The following FAM124A variants were observed in gnomAD, a reference collection of about 807,000 sequenced individuals.
FAM124A encodes the protein family with sequence similarity 124 member A, also known as protein FAM124A.
A neutral mutation model predicts 24.5 loss-of-function variants in FAM124A; 23 were observed. That is an observed-to-expected ratio of 0.94 (90% CI 0.68 to 1.33). The LOEUF is 1.33. Among genes scored for constraint, FAM124A ranks in the 40% most tolerant of loss-of-function variants. The pLI, the probability that FAM124A is intolerant of heterozygous loss-of-function variation, is 0.00. For synonymous variants in FAM124A, 287 were observed against 314.7 expected (o/e 0.91, Z 0.93); for missense variants, 623 against 722.8 (o/e 0.86, Z 1.58).
chr13:51,260,286 T>C (rs1422457556), intron 3 of FAM124A, among the ~76,000 whole-genome samples: 1 of 152,066 alleles, frequency 6.6e-6, no homozygotes, highest in African/African-American at 2.4e-5. Flanking sequence ...AGGCCAGCCA[T>C]GTGACTGTGA....
chr13:51,262,731 G>C (rs1003089173), intron 3 of FAM124A, among the ~76,000 whole-genome samples: 87 of 152,258 alleles, frequency 5.7e-4, no homozygotes, highest in Non-Finnish European at 8.8e-5. Context: ...TTTATGTGAA[G>C]GGAGTCCCTG....
intron 1 of FAM124A, chr13:51,227,227 C>T (rs1332534512): frequency 6.6e-6 from 1 of 152,148 alleles, no homozygotes; most frequent in Non-Finnish European, 1.5e-5. Flanking sequence ...CCTCACTATT[C>T]TAATAATTAT....
intron 3 of FAM124A, among the ~76,000 whole-genome samples, chr13:51,260,924 C>T (rs542923447): frequency 2.6e-5 from 4 of 152,298 alleles, no homozygotes; most frequent in Non-Finnish European, 5.9e-5. Context: ...ACAGCGAACT[C>T]TAGGGCAGGA....
chr13:51,267,518 G>A (rs1173339644), intron 3 of FAM124A, among the ~76,000 whole-genome samples: 1 of 152,030 alleles, frequency 6.6e-6, no homozygotes, highest in Non-Finnish European at 1.5e-5. Flanking sequence ...AAATCTTTAG[G>A]CTATGGCTAT....
intron 3 of FAM124A, among the ~76,000 whole-genome samples, chr13:51,256,579 T>C (rs1252309154): frequency 6.6e-6 from 1 of 152,148 alleles, no homozygotes; most frequent in Non-Finnish European, 1.5e-5. Context: ...CCATCATTGC[T>C]GGAATACTGG....
intron 2 of FAM124A, among the ~76,000 whole-genome samples, chr13:51,250,951 T>C (rs1487516575): frequency 6.6e-6 from 1 of 152,188 alleles, no homozygotes; most frequent in Non-Finnish European, 1.5e-5. Context: ...GTGAGGCAGG[T>C]AGGAAGGAGC....
intron 2 of FAM124A, among the ~76,000 whole-genome samples, chr13:51,247,829 T>G (rs1167235535): frequency 1.3e-5 from 2 of 152,220 alleles, no homozygotes; most frequent in Non-Finnish European, 2.9e-5. Flanking sequence ...AGTTACTCAC[T>G]GGCAGAAAAT....
intron 3 of FAM124A, among the ~76,000 whole-genome samples, chr13:51,264,584 C>T (rs903576610): frequency 3.3e-5 from 5 of 151,948 alleles, no homozygotes; most frequent in African/African-American, 7.3e-5. Flanking sequence ...TGATCGCGTC[C>T]GTGAATAGCC....
intron 3 of FAM124A, among the ~76,000 whole-genome samples, chr13:51,273,317 A>AG (rs1954856108): frequency 6.6e-6 from 1 of 152,194 alleles, no homozygotes; most frequent in East Asian, 1.9e-4. Context: ...ACATCCTCAC[A>AG]GGACAGCTCT....
rs141019484 is a variant in FAM124A at position 51,238,285 on chromosome 13, CA to C, written c.100+6907del. On this transcript the variant is annotated intron_variant, in intron 2 of 3. Coordinates refer to ENST00000322475, the MANE Select transcript of FAM124A (RefSeq NM_001242312.2). Reference sequence around the variant, plus strand: ...GGTCCAGGGACCACTGCATCAGCATCACCAGGAGCTTGTTAGAAATGCAGAA... The same window carrying C: ...GGTCCAGGGACCACTGCATCAGCATCCCAGGAGCTTGTTAGAAATGCAGAA... Among the ~76,000 whole-genome samples the C allele has an allele frequency of 7.5e-3, 1,143 of 152,326 alleles. 14 individuals carry two copies. The highest frequency in any genetic ancestry group is 0.026 in the African/African-American group (1,069 of 41,566).
At chr13:51,229,340 G>A (rs916169125) in intron 1 of FAM124A, among the ~76,000 whole-genome samples, 2 of 152,220 alleles carry the variant, frequency 1.3e-5, no homozygotes, top group Admixed American at 1.3e-4. Flanking sequence ...TTGTCAGAAG[G>A]CTGACCATTC....
chr13:51,257,907 T>C (rs1349265829), intron 3 of FAM124A, among the ~76,000 whole-genome samples: 1 of 152,232 alleles, frequency 6.6e-6, no homozygotes, highest in Non-Finnish European at 1.5e-5. Flanking sequence ...GTCTTGGTTT[T>C]AACATAGTAC....
intron 2 of FAM124A, among the ~76,000 whole-genome samples, chr13:51,250,846 C>T (rs1041457378): frequency 1.3e-5 from 2 of 152,240 alleles, no homozygotes; most frequent in Non-Finnish European, 1.5e-5. Flanking sequence ...CAGGACTCAT[C>T]AACAGCCAGG....
rs202202790 is a variant in FAM124A at position 51,280,598 on chromosome 13, C to T, written c.983C>T (p.Pro328Leu). Residue 328 changes from proline (P) to leucine (L), a missense_variant, in exon 4 of 4, where the codon CCG (proline) becomes CTG (leucine). Physicochemically the swap from Pro to Leu is moderately conservative, Grantham distance 98. Coordinates refer to ENST00000322475, the MANE Select transcript of FAM124A (RefSeq NM_001242312.2). ...SQQSPLNSPH[P>L]GPIRTGLPPG... ...CAGTCCCCGCTCAACAGTCCTCACC[C>T]GGGGCCCATCCGGACAGGCCTGCCT... The T allele has an allele frequency of 8.9e-5, 144 of 1,614,060 alleles. No individual in the cohort carries two copies. Among genetic ancestry groups the T allele is most frequent in the Admixed American group, 5.7e-4 (34 of 60,012 alleles).
chr13:51,264,682 G>A (rs1337073667), intron 3 of FAM124A, among the ~76,000 whole-genome samples: 2 of 151,970 alleles, frequency 1.3e-5, no homozygotes, highest in Non-Finnish European at 2.9e-5. Context: ...CACAGCAGTG[G>A]CTTCCATTTA....
chr13:51,252,024 G>A lies in FAM124A; in HGVS notation c.657G>A (p.Gln219=), dbSNP rs1310558126. Residue 219 remains glutamine (Q), a synonymous_variant, in exon 3 of 4, where the codon CAG becomes CAA. Coordinates refer to ENST00000322475, the MANE Select transcript of FAM124A (RefSeq NM_001242312.2). Reference sequence around the variant, plus strand: ...TTTCCAACCTGGATGTGGACATCCAGTTCTCCCTGAAAAGACTGCCCTGTG... The same window carrying A: ...TTTCCAACCTGGATGTGGACATCCAATTCTCCCTGAAAAGACTGCCCTGTG... ...PIFSNLDVDI[Q]FSLKRLPCDQ... is the part of the protein sequence containing the mutation. The A allele has an allele frequency of 1.9e-6, 3 of 1,614,222 alleles. No homozygotes were observed. Among genetic ancestry groups the A allele is most frequent in the East Asian group, 4.5e-5 (2 of 44,884 alleles).
intron 2 of FAM124A, among the ~76,000 whole-genome samples, chr13:51,239,526 T>C (rs933544981): frequency 6.6e-6 from 1 of 152,222 alleles, no homozygotes; most frequent in Admixed American, 6.5e-5. Flanking sequence ...TCCCTTATAT[T>C]TTTGCACTGT....
chr13:51,262,133 CAAAGCAGAGACCAAATCTTCAA>C (rs1003426973), intron 3 of FAM124A, among the ~76,000 whole-genome samples: 11 of 152,236 alleles, frequency 7.2e-5, no homozygotes, highest in East Asian at 1.9e-4. Context: ...CTAGATCTCA[CAAAGCAGAGACCAAATCTTCAA>C]AAAGCAGAGA....
chr13:51,238,656 A>G (rs1201167942), intron 2 of FAM124A, among the ~76,000 whole-genome samples: 1 of 152,190 alleles, frequency 6.6e-6, no homozygotes, highest in Admixed American at 6.5e-5. Context: ...TAGCAGCCTT[A>G]CCTGTTGGAC....
Sources: allele counts gnomAD v4.1 joint callset (sites outside exome capture counted in the v4.1 genomes callset), GRCh38; gene constraint gnomAD v4.1.1; transcripts MANE v1.5; gene names NCBI Gene and HGNC (gene_info 2026-07-23, HGNC 2026-07-21).